The following TRPA1 variants were observed in gnomAD, a reference collection of about 807,000 sequenced individuals.
TRPA1 encodes transient receptor potential cation channel subfamily A member 1.
Under a neutral mutation model 131.3 loss-of-function variants are expected in TRPA1, and 129 were observed. The ratio of observed to expected loss-of-function variants is 0.98; its 90% confidence interval spans 0.85 to 1.14. The LOEUF is 1.14. Among genes scored for constraint, TRPA1 ranks in the 50% most tolerant of loss-of-function variants. The probability of loss-of-function intolerance (pLI) is 0.00; values close to 1 mark genes in which losing one functional copy is unlikely to be tolerated. For missense variants in TRPA1, 1,304 were observed against 1,354.2 expected (o/e 0.96, Z 0.58); for synonymous variants, 441 against 451.7 (o/e 0.98, Z 0.30).
intron 15 of TRPA1, among the ~76,000 whole-genome samples, chr8:72,048,590 TG>T (rs1478948187): frequency 6.6e-6 from 1 of 152,050 alleles, no homozygotes; most frequent in African/African-American, 2.4e-5. Context: ...ATAATCAACG[TG>T]TGCAAAATAA....
Position 72,062,919 on chromosome 8 carries a change from C to A in TRPA1, c.687G>T (p.Gln229His), listed in dbSNP as rs150716707. The A allele has an allele frequency of 6.2e-7, 1 of 1,613,812 alleles. No individual in the cohort carries two copies. The highest frequency in any genetic ancestry group is 1.1e-5 in the South Asian group (1 of 91,064). ...RFGEEHGYSR[Q>H]LHINFMNNGK... Reference sequence around the variant, plus strand: ...CATTATTCATAAAGTTAATGTGCAACTGTCTACTGTACCCATGCTCTTCAC... The same window carrying A: ...CATTATTCATAAAGTTAATGTGCAAATGTCTACTGTACCCATGCTCTTCAC... Residue 229 changes from glutamine (Q) to histidine (H), a missense_variant, in exon 6 of 27, where the codon CAG becomes CAT. Gln to His is a conservative substitution (Grantham distance 24). Coordinates refer to ENST00000262209, the MANE Select transcript of TRPA1 (RefSeq NM_007332.3).
At position 72,022,647 on chromosome 8, in the gene TRPA1, A is replaced by C; in HGVS notation, c.*259T>G. The C allele has an allele frequency of 5.6e-6, 3 of 539,210 alleles. No homozygotes were observed. Among genetic ancestry groups the C allele is most frequent in the Non-Finnish European group, 1.0e-5 (3 of 299,108 alleles). The allele number at this position is 539,210 out of a possible 1,614,324, so 33.4% of individuals were successfully genotyped here. A position where few individuals can be genotyped will look rare whatever the true frequency, so the allele number is the denominator to read the frequency against. Reference sequence around the variant, plus strand: ...GTTCTAGCAAATTCATTTTCTACCCATTCAAATAATGAGATTATATCTCAT... The same window carrying C: ...GTTCTAGCAAATTCATTTTCTACCCCTTCAAATAATGAGATTATATCTCAT... On this transcript the variant is annotated 3_prime_UTR_variant, in exon 27 of 27. Coordinates refer to ENST00000262209, the MANE Select transcript of TRPA1 (RefSeq NM_007332.3).
intron 20 of TRPA1, among the ~76,000 whole-genome samples, chr8:72,037,301 GAC>G (rs577107161): frequency 1.0e-3 from 155 of 152,112 alleles, no homozygotes; most frequent in Non-Finnish European, 1.5e-3. Context: ...TTGTATAAAA[GAC>G]ATATGATTTA....
chr8:72,070,663 A>C (rs1332095249), intron 2 of TRPA1, among the ~76,000 whole-genome samples: 1 of 151,998 alleles, frequency 6.6e-6, no homozygotes, highest in Non-Finnish European at 1.5e-5. Flanking sequence ...CACTATCTTC[A>C]TCTTTTTCTG....
chr8:72,068,394 A>T (rs1805979327), intron 3 of TRPA1, among the ~76,000 whole-genome samples: 1 of 152,184 alleles, frequency 6.6e-6, no homozygotes, highest in Admixed American at 6.5e-5. Context: ...GCAATTTTCC[A>T]GGGTTTCCTC....
chr8:72,057,093 CA>C (rs373621073), intron 9 of TRPA1, 76 bp from the exon 10 acceptor site: 550 of 1,186,818 alleles, frequency 4.6e-4, no homozygotes, highest in Admixed American at 8.6e-4. Flanking sequence ...TTCAACTTAG[CA>C]AAAAAAAATT....
intron 17 of TRPA1, among the ~76,000 whole-genome samples, chr8:72,041,032 C>G (rs530601386): frequency 2.0e-5 from 3 of 152,058 alleles, no homozygotes; most frequent in East Asian, 3.9e-4. Context: ...AAAGATATTC[C>G]ATGCAAATGA....
Position 72,075,491 on chromosome 8 carries a change from C to T in TRPA1, c.-82G>A. 8.3e-7 allele frequency: 1 copy of T among 1,208,474 alleles called. No individual in the cohort carries two copies. Among genetic ancestry groups the T allele is most frequent in the Middle Eastern group, 2.7e-4 (1 of 3,670 alleles). 74.9% of individuals were successfully genotyped at this position (1,208,474 alleles called of 1,614,324 possible). ...GGGCGAGAGAGCGCTGTCAGCCTGC[C>T]AGGCGCTGGGGTCCGCGCGAGCCCG... On this transcript the variant is annotated 5_prime_UTR_variant, in exon 1 of 27. Coordinates refer to ENST00000262209, the MANE Select transcript of TRPA1 (RefSeq NM_007332.3).
chr8:72,064,737 G>A (rs1805889583), intron 4 of TRPA1, among the ~76,000 whole-genome samples: 1 of 152,058 alleles, frequency 6.6e-6, no homozygotes, highest in Non-Finnish European at 1.5e-5. Context: ...ACAGATGCTG[G>A]CCTAGATAAC....
chr8:72,075,766 A>C (rs1029993171), upstream of TRPA1: 19 of 387,338 alleles, frequency 4.9e-5, no homozygotes, highest in African/African-American at 1.2e-4. Context: ...CAGCGCACTG[A>C]CGGAGTCAAG....
chr8:72,080,729 G>A, the TRPA1 span, among the ~76,000 whole-genome samples: 5,837 of 151,732 alleles, frequency 0.038, 378 homozygotes, highest in African/African-American at 0.13. Context: ...TTTATCTTTT[G>A]TAGAGCTATT....
intron 22 of TRPA1, 113 bp downstream of exon 22, chr8:72,034,135 T>C: frequency 8.6e-7 from 1 of 1,163,612 alleles, no homozygotes; most frequent in South Asian, 1.5e-5. Flanking sequence ...ACTAAAGTAT[T>C]TGAATACTGT....
chr8:72,084,226 GTTA>G, the TRPA1 span, among the ~76,000 whole-genome samples: 1 of 151,816 alleles, frequency 6.6e-6, no homozygotes, highest in African/African-American at 2.4e-5. Context: ...TTTTTGTATT[GTTA>G]TTGTCTATTT....
chr8:72,038,687 G>C (rs1177490900), intron 19 of TRPA1, 178 bp downstream of exon 19: 7 of 592,476 alleles, frequency 1.2e-5, no homozygotes, highest in Non-Finnish European at 2.0e-5. Context: ...TGACCTGTTT[G>C]TTTATATTCC....
chr8:72,077,334 G>A (rs77584400), upstream of TRPA1, among the ~76,000 whole-genome samples: 576 of 151,942 alleles, frequency 3.8e-3, 4 homozygotes, highest in African/African-American at 0.013. Flanking sequence ...CTCCAGCAAT[G>A]GATGGTTGAG....
In TRPA1 at chr8:72,063,532, C is replaced by G. The variant is rs531375202; in HGVS notation, c.592G>C (p.Gly198Arg). Residue 198 changes from glycine to arginine, a missense_variant, in exon 5 of 27, where the codon GGA becomes CGA. Transcript: ENST00000262209. ...GAKPCKSNKW[G>R]CFPIHQAAFS... ...GCAGCTTGGTGAATAGGGAAACATC[C>G]CCATTTATTTGATTTACATGGCTTA... 81 of 1,613,706 alleles carry G rather than the reference C, an allele frequency of 5.0e-5. 1 individual carries two copies. The South Asian group carries it at 8.6e-4, about 17-fold the overall frequency.
chr8:72,043,206 A>T (rs1031849548), intron 17 of TRPA1, among the ~76,000 whole-genome samples: 1 of 151,842 alleles, frequency 6.6e-6, no homozygotes. Flanking sequence ...ATCATTGCTT[A>T]CTTGTACATC....
At chr8:72,026,114 G>T in intron 24 of TRPA1, 41 bp from the exon 25 acceptor site, 3 of 1,501,914 alleles carry the variant, frequency 2.0e-6, no homozygotes, top group Non-Finnish European at 2.8e-6. Flanking sequence ...TCATTAGTTA[G>T]TATATGGAAT....
At chr8:72,075,628 G>A (rs910400407), upstream of TRPA1, 8 of 568,380 alleles carry the variant, frequency 1.4e-5, no homozygotes, top group Admixed American at 3.0e-5. Context: ...GCAGGAAGCA[G>A]GCGGGGCGCG....
Sources: allele counts gnomAD v4.1 joint callset (sites outside exome capture counted in the v4.1 genomes callset), GRCh38; gene constraint gnomAD v4.1.1; transcripts MANE v1.5; gene names NCBI Gene and HGNC (gene_info 2026-07-23, HGNC 2026-07-21).